The following LRFN5 variants were observed in gnomAD, a reference collection of about 807,000 sequenced individuals.
The protein encoded by LRFN5 is leucine rich repeat and fibronectin type III domain containing 5.
In LRFN5, 24 loss-of-function variants were observed where a neutral mutation model predicts 45.6. That is an observed-to-expected ratio of 0.53 (90% CI 0.38 to 0.74). LRFN5 has a LOEUF of 0.74. Ranked by LOEUF, LRFN5 falls within the 30% of genes least tolerant of loss-of-function variation. LRFN5 has a pLI of 0.00. For missense variants in LRFN5, 776 were observed against 861.5 expected, an observed-to-expected ratio of 0.90 and a Z score of 1.24; for synonymous variants, 340 against 313.8, an observed-to-expected ratio of 1.08 and a Z score of -0.88.
In LRFN5 at chr14:41,862,925, C is replaced by T. The variant is rs150817044; in HGVS notation, c.-20-23681C>T. ...TGTGGTCAAGGCTGGAGTGCAGTGG[C>T]GCAATCTCAGCTCACTGCAAGCTCC... On this transcript the variant is annotated intron_variant, in intron 2 of 5. Transcript: ENST00000298119. 6.1e-3 allele frequency among the ~76,000 whole-genome samples: 857 copies of T among 140,820 alleles called. 8 individuals are homozygous for T. The highest frequency in any genetic ancestry group is 9.5e-3 in the Non-Finnish European group (636 of 66,914). The allele number at this position is 140,820 out of a possible 152,430, so 92.4% of individuals were successfully genotyped here.
chr14:41,692,591 G>A (rs1018801322), intron 1 of LRFN5, among the ~76,000 whole-genome samples: 9 of 152,028 alleles, frequency 5.9e-5, no homozygotes, highest in African/African-American at 2.2e-4. Context: ...ACAGGCCCCA[G>A]TGTGTGATGT....
At chr14:41,863,134 G>C (rs2139101926) in intron 2 of LRFN5, among the ~76,000 whole-genome samples, 1 of 152,132 alleles carries the variant, frequency 6.6e-6, no homozygotes, top group Middle Eastern at 3.4e-3. Context: ...CAAAGTACTG[G>C]GATTATAGGC....
At chr14:41,796,096 C>A (rs1887118965) in intron 2 of LRFN5, among the ~76,000 whole-genome samples, 1 of 151,398 alleles carries the variant, frequency 6.6e-6, no homozygotes, top group Non-Finnish European at 1.5e-5. Context: ...AAAGTTTTTT[C>A]AAAAATAAAA....
intron 1 of LRFN5, among the ~76,000 whole-genome samples, chr14:41,637,388 G>A (rs1161595497): frequency 6.6e-6 from 1 of 152,024 alleles, no homozygotes; most frequent in African/African-American, 2.4e-5. Context: ...ATCAAGGGAG[G>A]AAGGAAAACT....
chr14:41,608,583 C>T (rs777557645), intron 1 of LRFN5, 21 bp downstream of exon 1: 1 of 152,692 alleles, frequency 6.5e-6, no homozygotes, highest in Non-Finnish European at 1.5e-5. Context: ...AACGATTACT[C>T]GCCTCACCCA....
chr14:41,829,259 C>A (rs1254684348), intron 2 of LRFN5, among the ~76,000 whole-genome samples: 1 of 151,892 alleles, frequency 6.6e-6, no homozygotes, highest in Non-Finnish European at 1.5e-5. Flanking sequence ...CATTTCCTTA[C>A]AGATAACATA....
At chr14:41,771,298 A>G (rs768941240) in intron 2 of LRFN5, among the ~76,000 whole-genome samples, 1 of 151,166 alleles carries the variant, frequency 6.6e-6, no homozygotes, top group African/African-American at 2.4e-5. Context: ...CATTTTTCCC[A>G]TTGTCTGGGA....
At chr14:41,767,641 A>G (rs36031928) in intron 2 of LRFN5, among the ~76,000 whole-genome samples, 42,346 of 152,046 alleles carry the variant, frequency 0.28, 6,233 homozygotes, top group South Asian at 0.43. Flanking sequence ...AATCATATAT[A>G]GGAAAATGAA....
At chr14:41,884,985 AT>A (rs1391266404) in intron 2 of LRFN5, among the ~76,000 whole-genome samples, 2 of 152,156 alleles carry the variant, frequency 1.3e-5, no homozygotes, top group African/African-American at 4.8e-5. Flanking sequence ...GGATGATTTC[AT>A]ATTTATATTA....
At chr14:41,742,103 A>G (rs143198956) in intron 1 of LRFN5, among the ~76,000 whole-genome samples, 1,586 of 151,896 alleles carry the variant, frequency 0.01, 25 homozygotes, top group Non-Finnish European at 0.018. Context: ...GCAAAATAGT[A>G]TGGAGATTTT....
At chr14:41,790,691 G>A (rs1886888340) in intron 2 of LRFN5, among the ~76,000 whole-genome samples, 3 of 151,066 alleles carry the variant, frequency 2.0e-5, no homozygotes, top group Admixed American at 1.3e-4. Flanking sequence ...TTATTTATCA[G>A]TCGATCATTT....
At chr14:41,836,612 G>C (rs1888670785) in intron 2 of LRFN5, among the ~76,000 whole-genome samples, 4 of 152,158 alleles carry the variant, frequency 2.6e-5, no homozygotes, top group Admixed American at 2.6e-4. Context: ...ATATATTCAT[G>C]TTCTGTAGTG....
intron 2 of LRFN5, among the ~76,000 whole-genome samples, chr14:41,785,715 C>T (rs1307217279): frequency 6.6e-6 from 1 of 150,454 alleles, no homozygotes; most frequent in African/African-American, 2.5e-5. Flanking sequence ...GTGGGAGGCC[C>T]GAGGCTGTTT....
intron 1 of LRFN5, among the ~76,000 whole-genome samples, chr14:41,705,367 T>C (rs1424066205): frequency 6.6e-6 from 1 of 152,156 alleles, no homozygotes; most frequent in Non-Finnish European, 1.5e-5. Flanking sequence ...ACTAAGGTAA[T>C]TTTTGAATTG....
intron 1 of LRFN5, among the ~76,000 whole-genome samples, chr14:41,667,243 C>T (rs545077812): frequency 2.0e-5 from 3 of 152,228 alleles, no homozygotes; most frequent in South Asian, 2.1e-4. Flanking sequence ...TCTTTCCTCA[C>T]GCTACATTCC....
At chr14:41,799,016 T>C (rs1239368468) in intron 2 of LRFN5, among the ~76,000 whole-genome samples, 1 of 152,050 alleles carries the variant, frequency 6.6e-6, no homozygotes, top group Non-Finnish European at 1.5e-5. Flanking sequence ...TCTTTTTTTC[T>C]GTTTGTTTTA....
At chr14:41,844,547 T>G (rs180678520) in intron 2 of LRFN5, among the ~76,000 whole-genome samples, 6 of 152,278 alleles carry the variant, frequency 3.9e-5, no homozygotes, top group African/African-American at 1.4e-4. Flanking sequence ...CATTCCAACA[T>G]TTTAAAGGAC....
intron 1 of LRFN5, among the ~76,000 whole-genome samples, chr14:41,746,684 A>G (rs1884934482): frequency 6.6e-6 from 1 of 151,996 alleles, no homozygotes; most frequent in African/African-American, 2.4e-5. Flanking sequence ...AAAATACATT[A>G]GGCACTCCAA....
chr14:41,625,791 C>T (rs1888310560), intron 1 of LRFN5, among the ~76,000 whole-genome samples: 1 of 151,982 alleles, frequency 6.6e-6, no homozygotes, highest in African/African-American at 2.4e-5. Flanking sequence ...AGTACAACAT[C>T]AAAAACACAT....
Sources: allele counts gnomAD v4.1 joint callset (sites outside exome capture counted in the v4.1 genomes callset), GRCh38; gene constraint gnomAD v4.1.1; transcripts MANE v1.5; gene names NCBI Gene and HGNC (gene_info 2026-07-23, HGNC 2026-07-21).